The following CWC27 variants were observed in gnomAD, a reference collection of about 807,000 sequenced individuals.
The protein encoded by CWC27 is CWC27 spliceosome associated cyclophilin, also known as spliceosome-associated protein CWC27 homolog.
In CWC27, 47 loss-of-function variants were observed where a neutral mutation model predicts 63.6. The observed-to-expected ratio is 0.74, with a 90% CI of 0.58 to 0.94. The LOEUF (loss-of-function observed/expected upper bound fraction) is 0.94. CWC27 is among the 40% of genes least tolerant of loss of function. CWC27 has a pLI of 0.00. For missense variants in CWC27, 495 were observed against 554.3 expected (o/e 0.89, Z 1.07); for synonymous variants, 175 against 179.8 (o/e 0.97, Z 0.22).
At chr5:65,011,836 G>A (rs1749966809) in intron 13 of CWC27, among the ~76,000 whole-genome samples, 1 of 152,210 alleles carries the variant, frequency 6.6e-6, no homozygotes, top group Non-Finnish European at 1.5e-5. Context: ...TGGACTTCCA[G>A]CTGAATGAGG....
chr5:64,997,650 G>C (rs989260197), intron 13 of CWC27, among the ~76,000 whole-genome samples: 1 of 151,932 alleles, frequency 6.6e-6, no homozygotes, highest in Non-Finnish European at 1.5e-5. Context: ...AAAAATTTTT[G>C]AGTTTTGATA....
At chr5:64,880,853 CATTT>C (rs1746917502) in intron 10 of CWC27, among the ~76,000 whole-genome samples, 1 of 136,080 alleles carries the variant, frequency 7.3e-6, no homozygotes, top group Non-Finnish European at 1.6e-5. Flanking sequence ...TTATAAAAGC[CATTT>C]TTTTTTTTTT....
At chr5:65,004,905 T>TACAC (rs1317560192) in intron 13 of CWC27, among the ~76,000 whole-genome samples, 5 of 63,540 alleles carry the variant, frequency 7.9e-5, no homozygotes, top group African/African-American at 1.2e-4. Context: ...TATATATATA[T>TACAC]ACATACACAC....
intron 10 of CWC27, among the ~76,000 whole-genome samples, chr5:64,876,881 A>T (rs1224548372): frequency 7.9e-5 from 12 of 152,096 alleles, no homozygotes; most frequent in African/African-American, 2.2e-4. Flanking sequence ...CATGTTCAAA[A>T]GCTGCACAGT....
At chr5:64,866,171 C>A (rs1430810770) in intron 10 of CWC27, among the ~76,000 whole-genome samples, 1 of 151,988 alleles carries the variant, frequency 6.6e-6, no homozygotes, top group Non-Finnish European at 1.5e-5. Context: ...CTCTGAGACT[C>A]CAGTTAGATT....
At chr5:64,859,107 GT>G (rs752384874) in intron 10 of CWC27, among the ~76,000 whole-genome samples, 1 of 152,218 alleles carries the variant, frequency 6.6e-6, no homozygotes, top group African/African-American at 2.4e-5. Context: ...TGACACTACA[GT>G]AATTTCTGTG....
At chr5:64,846,888 G>T (rs1224445107) in intron 10 of CWC27, among the ~76,000 whole-genome samples, 2 of 150,538 alleles carry the variant, frequency 1.3e-5, no homozygotes, top group Non-Finnish European at 3.0e-5. Context: ...CAGCTACTCG[G>T]TAGGCTGAGA....
At chr5:64,940,220 T>A (rs773714421) in intron 11 of CWC27, among the ~76,000 whole-genome samples, 1 of 152,138 alleles carries the variant, frequency 6.6e-6, no homozygotes, top group Non-Finnish European at 1.5e-5. Context: ...AGTCTTGTGC[T>A]TGAAACCCAG....
chr5:64,847,256 A>C (rs1321967715), intron 10 of CWC27, among the ~76,000 whole-genome samples: 1 of 152,204 alleles, frequency 6.6e-6, no homozygotes, highest in African/African-American at 2.4e-5. Flanking sequence ...CATAAGACAA[A>C]GTTGATTTTA....
intron 11 of CWC27, among the ~76,000 whole-genome samples, chr5:64,905,742 A>G (rs1747622954): frequency 6.6e-6 from 1 of 152,098 alleles, no homozygotes; most frequent in African/African-American, 2.4e-5. Context: ...GGTTTCTTAC[A>G]TAGGTATATA....
chr5:64,958,494 G>C (rs1029282484), intron 11 of CWC27, among the ~76,000 whole-genome samples: 1 of 151,968 alleles, frequency 6.6e-6, no homozygotes, highest in Non-Finnish European at 1.5e-5. Context: ...CTTTTATGCA[G>C]AATTTAAAAA....
In CWC27 at chr5:64,885,439, A is replaced by G; in HGVS notation, c.939-4A>G. The G allele has an allele frequency of 6.3e-7, 1 of 1,594,450 alleles. No individual in the cohort carries two copies. Among genetic ancestry groups the G allele is most frequent in the Non-Finnish European group, 8.6e-7 (1 of 1,169,488 alleles). ...ATACTTATATAACTCTTTTTGCTTT[A>G]TAGTGAAGAGCTCAGAAAAGAAGCA... On this transcript the variant is annotated splice_polypyrimidine_tract_variant and splice_region_variant and intron_variant, in intron 10 of 13. Coordinates refer to ENST00000381070, the MANE Select transcript of CWC27 (RefSeq NM_005869.4).
chr5:64,776,374 C>G (rs1302187319), intron 2 of CWC27, among the ~76,000 whole-genome samples: 2 of 151,978 alleles, frequency 1.3e-5, no homozygotes, highest in Non-Finnish European at 2.9e-5. Flanking sequence ...AATCCATGAC[C>G]AGGTGAATGG....
chr5:65,006,256 A>G (rs1580778232), intron 13 of CWC27, among the ~76,000 whole-genome samples: 2 of 152,194 alleles, frequency 1.3e-5, no homozygotes, highest in East Asian at 1.9e-4. Context: ...CTTGGCAACT[A>G]ATTCTGAGAC....
At chr5:64,945,128 T>C (rs1455622009) in intron 11 of CWC27, among the ~76,000 whole-genome samples, 1 of 152,146 alleles carries the variant, frequency 6.6e-6, no homozygotes, top group Non-Finnish European at 1.5e-5. Flanking sequence ...ACATGGCTCA[T>C]TCCCTTACCT....
At chr5:64,870,762 C>T (rs953998777) in intron 10 of CWC27, among the ~76,000 whole-genome samples, 1 of 152,026 alleles carries the variant, frequency 6.6e-6, no homozygotes, top group Non-Finnish European at 1.5e-5. Context: ...TTGCATTCTA[C>T]AGAGCTAGCC....
intron 13 of CWC27, among the ~76,000 whole-genome samples, chr5:64,991,483 G>T (rs780393373): frequency 3.3e-5 from 5 of 152,242 alleles, no homozygotes; most frequent in Non-Finnish European, 5.9e-5. Context: ...CCAGCACTTT[G>T]AGAGGCTGAG....
intron 11 of CWC27, among the ~76,000 whole-genome samples, chr5:64,964,993 A>G (rs764627801): frequency 1.3e-5 from 2 of 152,088 alleles, no homozygotes; most frequent in African/African-American, 4.8e-5. Flanking sequence ...ATAAAAAACA[A>G]CTCCTGAATC....
intron 11 of CWC27, among the ~76,000 whole-genome samples, chr5:64,892,087 T>G (rs10805390): frequency 0.39 from 59,888 of 151,978 alleles, 12,811 homozygotes; most frequent in African/African-American, 0.56. Context: ...GAGCCACCAC[T>G]CCCAGCTCTG....
Sources: allele counts gnomAD v4.1 joint callset (sites outside exome capture counted in the v4.1 genomes callset), GRCh38; gene constraint gnomAD v4.1.1; transcripts MANE v1.5; gene names NCBI Gene and HGNC (gene_info 2026-07-23, HGNC 2026-07-21).